PCDH9: variants seen among roughly 807,000 people sequenced by gnomAD.
PCDH9 encodes protocadherin 9.
Under a neutral mutation model 70.6 loss-of-function variants are expected in PCDH9, and 24 were observed. That is an observed-to-expected ratio of 0.34 (90% CI 0.25 to 0.48). The LOEUF is 0.48. PCDH9 is among the 20% of genes least tolerant of loss of function. The probability of loss-of-function intolerance (pLI) is 0.99; values close to 1 mark genes in which losing one functional copy is unlikely to be tolerated. For missense variants in PCDH9, 1,281 were observed against 1,503.6 expected (o/e 0.85, Z 2.45); for synonymous variants, 562 against 558.5 (o/e 1.01, Z -0.09).
At chr13:66,710,467 T>C (rs868770120) in intron 3 of PCDH9, among the ~76,000 whole-genome samples, 9 of 152,200 alleles carry the variant, frequency 5.9e-5, no homozygotes, top group Admixed American at 2.6e-4. Flanking sequence ...GTTTTCCAAC[T>C]GGGAAGCCTT....
chr13:66,652,079 T>G (rs2077861047), intron 3 of PCDH9, among the ~76,000 whole-genome samples: 1 of 152,080 alleles, frequency 6.6e-6, no homozygotes, highest in Non-Finnish European at 1.5e-5. Context: ...CCGAAAACCT[T>G]TCCTCTAAGA....
intron 3 of PCDH9, among the ~76,000 whole-genome samples, chr13:66,649,321 A>C (rs566044640): frequency 3.9e-5 from 6 of 152,280 alleles, no homozygotes; most frequent in Admixed American, 6.5e-5. Flanking sequence ...AAGAGAAAAG[A>C]AAAGTATGAG....
intron 3 of PCDH9, among the ~76,000 whole-genome samples, chr13:66,748,883 G>A (rs1043568558): frequency 5.3e-5 from 8 of 152,148 alleles, no homozygotes; most frequent in African/African-American, 1.9e-4. Flanking sequence ...ATCCCCTTGT[G>A]TCAAGGGCAG....
chr13:67,014,622 C>T (rs2084521595), intron 2 of PCDH9, among the ~76,000 whole-genome samples: 1 of 150,528 alleles, frequency 6.6e-6, no homozygotes, highest in South Asian at 2.1e-4. Context: ...CTGTCCCACA[C>T]ACACATAGCC....
At chr13:66,678,235 A>G (rs2078271460) in intron 3 of PCDH9, among the ~76,000 whole-genome samples, 1 of 151,784 alleles carries the variant, frequency 6.6e-6, no homozygotes, top group Non-Finnish European at 1.5e-5. Flanking sequence ...CATTCTTTTC[A>G]TTAGTTTCAT....
Position 66,711,915 on chromosome 13 carries a change from TA to T in PCDH9, c.3139-80505del, listed in dbSNP as rs796384846. Among the ~76,000 whole-genome samples the T allele has an allele frequency of 5.3e-5, 8 of 152,284 alleles. 1 individual carries two copies. In the South Asian group the frequency reaches 1.7e-3, roughly 32 times the overall value. ...AATTCAAACTCACCAACAGCAACTT[TA>T]GCTTTACTTTATGTCTCTGCTTTCC... On this transcript the variant is annotated intron_variant, in intron 3 of 4. Transcript: ENST00000377865.
At chr13:67,116,894 C>T (rs1428588622) in intron 2 of PCDH9, among the ~76,000 whole-genome samples, 1 of 152,120 alleles carries the variant, frequency 6.6e-6, no homozygotes, top group Admixed American at 6.6e-5. Flanking sequence ...ATTGTCCCCT[C>T]ATTATTAATG....
chr13:66,394,759 A>C (rs1015365461), intron 4 of PCDH9, among the ~76,000 whole-genome samples: 2 of 152,228 alleles, frequency 1.3e-5, no homozygotes, highest in African/African-American at 4.8e-5. Context: ...GGAGTGGGTT[A>C]GATGATGATA....
At chr13:66,855,886 A>G (rs1423628720) in intron 3 of PCDH9, among the ~76,000 whole-genome samples, 1 of 151,982 alleles carries the variant, frequency 6.6e-6, no homozygotes, top group Non-Finnish European at 1.5e-5. Flanking sequence ...CATGGATAAG[A>G]TCTATTGAAA....
intron 3 of PCDH9, among the ~76,000 whole-genome samples, chr13:66,769,926 A>C (rs1443891694): frequency 1.3e-5 from 2 of 152,066 alleles, no homozygotes; most frequent in South Asian, 2.1e-4. Flanking sequence ...GCAGGAGGGG[A>C]TAATTTCTTT....
chr13:67,035,594 TAATTAA>T (rs2139895280), intron 2 of PCDH9, among the ~76,000 whole-genome samples: 1 of 149,314 alleles, frequency 6.7e-6, no homozygotes, highest in African/African-American at 2.4e-5. Context: ...TATAATTTTA[TAATTAA>T]AATTATATTA....
chr13:67,105,926 T>C (rs1357144457), intron 2 of PCDH9, among the ~76,000 whole-genome samples: 1 of 150,898 alleles, frequency 6.6e-6, no homozygotes, highest in East Asian at 1.9e-4. Flanking sequence ...TATACATATA[T>C]ATTTATAACT....
intron 4 of PCDH9, among the ~76,000 whole-genome samples, chr13:66,474,868 ATGAATTC>A (rs906725831): frequency 6.6e-6 from 1 of 152,060 alleles, no homozygotes; most frequent in African/African-American, 2.4e-5. Flanking sequence ...CTTAGTACTA[ATGAATTC>A]TGAGGTGGAG....
chr13:66,967,715 A>T lies in PCDH9; in HGVS notation c.3037-64110T>A, dbSNP rs140935084. On this transcript the variant is annotated intron_variant, in intron 2 of 4. Transcript: ENST00000377865. ...TTTAAATCAGACTAAGTATTTTGAC[A>T]TCCAAGTTTTAATTTGATCATTGTA... Among the ~76,000 whole-genome samples the T allele has an allele frequency of 1.4e-4, 21 of 152,212 alleles. No individual in the cohort carries two copies. The East Asian group carries it at 3.7e-3, about 27-fold the overall frequency.
chr13:66,589,142 T>C (rs1412865158), intron 4 of PCDH9, among the ~76,000 whole-genome samples: 1 of 152,110 alleles, frequency 6.6e-6, no homozygotes, highest in Non-Finnish European at 1.5e-5. Context: ...GAAGAGTTAC[T>C]GTATGTATGC....
chr13:66,570,171 A>G (rs1410157633), intron 4 of PCDH9, among the ~76,000 whole-genome samples: 4 of 152,186 alleles, frequency 2.6e-5, no homozygotes, highest in East Asian at 3.8e-4. Flanking sequence ...GTTAAATACT[A>G]TATGATTCCA....
chr13:66,502,340 CAT>C (rs1211540034), intron 4 of PCDH9, among the ~76,000 whole-genome samples: 2 of 152,158 alleles, frequency 1.3e-5, no homozygotes, highest in African/African-American at 4.8e-5. Context: ...AATTTTGACT[CAT>C]GTTTAATTCA....
intron 3 of PCDH9, among the ~76,000 whole-genome samples, chr13:66,777,407 C>G (rs1833653209): frequency 6.6e-6 from 1 of 151,784 alleles, no homozygotes; most frequent in African/African-American, 2.4e-5. Flanking sequence ...TATCCAGAAT[C>G]TACAATGAAC....
chr13:66,453,005 A>C (rs1663523), intron 4 of PCDH9, among the ~76,000 whole-genome samples: 3 of 151,962 alleles, frequency 2.0e-5, no homozygotes, highest in Admixed American at 1.3e-4. Context: ...CAGCCAGCCA[A>C]CCACCCTACC....
Sources: allele counts gnomAD v4.1 joint callset (sites outside exome capture counted in the v4.1 genomes callset), GRCh38; gene constraint gnomAD v4.1.1; transcripts MANE v1.5; gene names NCBI Gene and HGNC (gene_info 2026-07-23, HGNC 2026-07-21).